SHISA9: variants seen among roughly 807,000 people sequenced by gnomAD.
SHISA9 encodes shisa family member 9.
A neutral mutation model predicts 38.0 loss-of-function variants in SHISA9; 13 were observed. The observed-to-expected ratio is 0.34, with a 90% CI of 0.22 to 0.54. The LOEUF (loss-of-function observed/expected upper bound fraction) is 0.54, where lower values mean the gene tolerates loss of function less well. Among genes scored for constraint, SHISA9 ranks in the 20% least tolerant of loss-of-function variants. The pLI is 0.91. For synonymous variants in SHISA9, 275 were observed against 242.0 expected, an observed-to-expected ratio of 1.14 and a Z score of -1.27; for missense variants, 538 against 575.8, an observed-to-expected ratio of 0.93 and a Z score of 0.67.
At chr16:13,481,955 C>G in the SHISA9 span, among the ~76,000 whole-genome samples, 1 of 152,184 alleles carries the variant, frequency 6.6e-6, no homozygotes, top group East Asian at 1.9e-4. Context: ...GTTTTCTGAA[C>G]ACTTATTACA....
At chr16:13,335,185 A>G in the SHISA9 span, among the ~76,000 whole-genome samples, 2 of 152,230 alleles carry the variant, frequency 1.3e-5, no homozygotes, top group Non-Finnish European at 2.9e-5. Flanking sequence ...CTTGAGCCCT[A>G]TCTTCAGGCC....
At chr16:13,171,884 T>G (rs1183375707) in intron 2 of SHISA9, among the ~76,000 whole-genome samples, 1 of 152,220 alleles carries the variant, frequency 6.6e-6, no homozygotes, top group Non-Finnish European at 1.5e-5. Flanking sequence ...TAGCTTTCTC[T>G]CTCGGATTCT....
intron 2 of SHISA9, among the ~76,000 whole-genome samples, chr16:13,183,331 T>G (rs1399655982): frequency 1.3e-5 from 2 of 152,270 alleles, no homozygotes; most frequent in Non-Finnish European, 2.9e-5. Flanking sequence ...TTGAAAAGTG[T>G]TAACACTATG....
At chr16:12,934,294 G>C (rs1348243393) in intron 2 of SHISA9, among the ~76,000 whole-genome samples, 1 of 152,218 alleles carries the variant, frequency 6.6e-6, no homozygotes, top group Non-Finnish European at 1.5e-5. Context: ...ATGTCCTATT[G>C]TGTGTCAATG....
chr16:12,971,515 C>T (rs1327676498), intron 2 of SHISA9, among the ~76,000 whole-genome samples: 1 of 152,214 alleles, frequency 6.6e-6, no homozygotes, highest in African/African-American at 2.4e-5. Flanking sequence ...GGGTGGGGAA[C>T]TGTGACCTAA....
At chr16:12,985,700 G>C (rs879506596) in intron 2 of SHISA9, among the ~76,000 whole-genome samples, 2 of 152,178 alleles carry the variant, frequency 1.3e-5, no homozygotes, top group Non-Finnish European at 2.9e-5. Context: ...TTGTGACAAT[G>C]TTGGCCTTAC....
the SHISA9 span, among the ~76,000 whole-genome samples, chr16:13,367,731 CA>C: frequency 6.9e-6 from 1 of 145,782 alleles, no homozygotes; most frequent in African/African-American, 2.5e-5. Flanking sequence ...CACACACACA[CA>C]CACACACACA....
At chr16:13,418,830 T>C in the SHISA9 span, among the ~76,000 whole-genome samples, 1 of 152,196 alleles carries the variant, frequency 6.6e-6, no homozygotes, top group Admixed American at 6.5e-5. Context: ...ACTGATACCC[T>C]CAGCCAGCTC....
At chr16:12,908,435 G>A (rs1291989578) in intron 1 of SHISA9, 1 of 1,549,468 alleles carries the variant, frequency 6.5e-7, no homozygotes, top group East Asian at 2.4e-5. Context: ...ATAAGCTTAT[G>A]TGTAAATTCT....
intron 2 of SHISA9, among the ~76,000 whole-genome samples, chr16:13,015,567 G>T (rs1346218786): frequency 6.6e-6 from 1 of 152,088 alleles, no homozygotes; most frequent in East Asian, 1.9e-4. Flanking sequence ...CCTCATTTTT[G>T]AACCAATGCT....
chr16:13,178,351 G>C (rs1250947717), intron 2 of SHISA9, among the ~76,000 whole-genome samples: 1 of 146,246 alleles, frequency 6.8e-6, no homozygotes, highest in Non-Finnish European at 1.5e-5. Flanking sequence ...CTTTTCATCT[G>C]TTAAATTTTT....
the SHISA9 span, among the ~76,000 whole-genome samples, chr16:13,493,254 T>C: frequency 1.3e-5 from 2 of 152,184 alleles, no homozygotes; most frequent in East Asian, 3.9e-4. Context: ...CTGCCCCCAA[T>C]ACCATTCTTT....
chr16:13,274,085 C>G, the SHISA9 span, among the ~76,000 whole-genome samples: 1 of 152,108 alleles, frequency 6.6e-6, no homozygotes, highest in Non-Finnish European at 1.5e-5. Context: ...TTTGTCTAGA[C>G]AAGTATCCAT....
the SHISA9 span, among the ~76,000 whole-genome samples, chr16:13,477,166 A>T: frequency 6.6e-6 from 1 of 152,164 alleles, no homozygotes; most frequent in Admixed American, 6.5e-5. Context: ...GAAATAAAAA[A>T]TGAGTAATAG....
At chr16:13,454,688 C>A in the SHISA9 span, among the ~76,000 whole-genome samples, 4 of 152,164 alleles carry the variant, frequency 2.6e-5, no homozygotes, top group Admixed American at 6.5e-5. Flanking sequence ...AGACTGTCCC[C>A]CGAAGCCCAT....
the SHISA9 span, among the ~76,000 whole-genome samples, chr16:13,323,621 C>T: frequency 6.6e-6 from 1 of 152,082 alleles, no homozygotes; most frequent in Non-Finnish European, 1.5e-5. Context: ...GTTCCGCACG[C>T]CTGGGGAGGC....
intron 2 of SHISA9, among the ~76,000 whole-genome samples, chr16:13,104,018 C>A (rs2073903582): frequency 6.6e-6 from 1 of 152,146 alleles, no homozygotes; most frequent in African/African-American, 2.4e-5. Context: ...TCCATCTGTT[C>A]CATCTCCAAA....
intron 1 of SHISA9, among the ~76,000 whole-genome samples, chr16:12,907,427 C>G (rs2071117231): frequency 1.3e-5 from 2 of 150,320 alleles, no homozygotes; most frequent in African/African-American, 4.9e-5. Flanking sequence ...TCTTTCTTGG[C>G]TGAAACATGT....
intron 2 of SHISA9, among the ~76,000 whole-genome samples, chr16:12,984,739 T>A (rs1434345887): frequency 6.6e-6 from 1 of 152,204 alleles, no homozygotes; most frequent in African/African-American, 2.4e-5. Context: ...CTCTGATTCC[T>A]TTGGCATCCT....
Sources: allele counts gnomAD v4.1 joint callset (sites outside exome capture counted in the v4.1 genomes callset), GRCh38; gene constraint gnomAD v4.1.1; transcripts MANE v1.5; gene names NCBI Gene and HGNC (gene_info 2026-07-23, HGNC 2026-07-21).